Variants in ADGRB3 observed in about 807,000 individuals in gnomAD.
ADGRB3 encodes the protein brain-specific angiogenesis inhibitor 3.
A neutral mutation model predicts 193.4 loss-of-function variants in ADGRB3; 37 were observed. The observed-to-expected ratio is 0.19, with a 90% CI of 0.15 to 0.25. ADGRB3 has a LOEUF of 0.25. Ranked by LOEUF, ADGRB3 falls within the 10% of genes least tolerant of loss-of-function variation. The pLI, the probability that ADGRB3 is intolerant of heterozygous loss-of-function variation, is 1.00. For synonymous variants in ADGRB3, 690 were observed against 644.2 expected (o/e 1.07, Z -1.08); for missense variants, 1,637 against 1,852.9 (o/e 0.88, Z 2.14).
chr6:68,872,731 G>A (rs1263148420), intron 3 of ADGRB3, among the ~76,000 whole-genome samples: 5 of 152,140 alleles, frequency 3.3e-5, no homozygotes, highest in Middle Eastern at 6.8e-3. Flanking sequence ...CTTGTTTTAC[G>A]GTTTATGTGG....
intron 21 of ADGRB3, among the ~76,000 whole-genome samples, chr6:69,327,123 T>G (rs1345795840): frequency 6.7e-6 from 1 of 149,642 alleles, no homozygotes; most frequent in Non-Finnish European, 1.5e-5. Context: ...ATGATCTTCC[T>G]GAAAAGAAGG....
In ADGRB3 at chr6:69,339,009, C is replaced by T. The variant is rs138734026; in HGVS notation, c.3282C>T (p.Asn1094=). The T allele has an allele frequency of 7.4e-6, 12 of 1,613,654 alleles. No individual in the cohort carries two copies. Among genetic ancestry groups the T allele is most frequent in the African/African-American group, 2.7e-5 (2 of 74,986 alleles). The change falls in exon 25 of 32, where the codon AAC becomes AAT. Residue 1094 remains asparagine, a synonymous_variant. Coordinates refer to ENST00000370598, the MANE Select transcript of ADGRB3 (RefSeq NM_001704.3). The part of the protein sequence containing the change: ...TTALSATTAS[N]AMASLWSSCV... Reference sequence around the variant, plus strand: ...CTTTGTCAGCCACCACCGCCAGTAACGCCATGTTAGTCCCAATCATTTACA... The same window carrying T: ...CTTTGTCAGCCACCACCGCCAGTAATGCCATGTTAGTCCCAATCATTTACA...
chr6:68,806,446 A>G lies in ADGRB3; in HGVS notation c.758-124113A>G, dbSNP rs148321777. Among the ~76,000 whole-genome samples, 859 of 152,208 alleles carry G rather than the reference A, an allele frequency of 5.6e-3. 8 individuals carry two copies. The highest frequency in any genetic ancestry group is 8.0e-3 in the Non-Finnish European group (541 of 67,956). ...AAATTTACATAATACTCTGATTATT[A>G]TTCACTTATTTATTGAAAAACATTT... On this transcript the variant is annotated intron_variant, in intron 3 of 31. Transcript: ENST00000370598.
intron 3 of ADGRB3, among the ~76,000 whole-genome samples, chr6:68,720,277 A>C (rs1765554139): frequency 6.6e-6 from 1 of 151,776 alleles, no homozygotes; most frequent in African/African-American, 2.4e-5. Flanking sequence ...TGGCTTCTTT[A>C]GCATCAACTG....
At chr6:68,865,611 G>A (rs549368315) in intron 3 of ADGRB3, among the ~76,000 whole-genome samples, 2 of 152,196 alleles carry the variant, frequency 1.3e-5, no homozygotes, top group Admixed American at 6.5e-5. Context: ...GTAACTGCAG[G>A]GGTCCCTTTA....
intron 17 of ADGRB3, among the ~76,000 whole-genome samples, chr6:69,139,699 G>A (rs1010857874): frequency 2.0e-5 from 3 of 152,062 alleles, no homozygotes; most frequent in Admixed American, 6.6e-5. Context: ...TTGACAAATG[G>A]GGAGATAGGT....
At chr6:69,131,500 A>T (rs1774007925) in intron 17 of ADGRB3, among the ~76,000 whole-genome samples, 1 of 152,034 alleles carries the variant, frequency 6.6e-6, no homozygotes, top group Admixed American at 6.6e-5. Context: ...TTTTAATTGC[A>T]TCGAAAATGG....
At chr6:69,208,232 T>C (rs926754370) in intron 17 of ADGRB3, among the ~76,000 whole-genome samples, 2 of 152,202 alleles carry the variant, frequency 1.3e-5, no homozygotes, top group Non-Finnish European at 2.9e-5. Flanking sequence ...TTTATCCACT[T>C]GATTATCAAA....
intron 17 of ADGRB3, among the ~76,000 whole-genome samples, chr6:69,085,083 C>A (rs1162297898): frequency 1.1e-4 from 16 of 151,970 alleles, no homozygotes; most frequent in Non-Finnish European, 2.4e-4. Context: ...AAAAAAAATA[C>A]CCTCGGTGAA....
At chr6:69,340,965 A>G (rs560226042) in intron 26 of ADGRB3, among the ~76,000 whole-genome samples, 1 of 152,326 alleles carries the variant, frequency 6.6e-6, no homozygotes, top group East Asian at 1.9e-4. Context: ...CAATAGCTGC[A>G]GAGCATTCCA....
intron 3 of ADGRB3, among the ~76,000 whole-genome samples, chr6:68,824,571 C>T (rs1452161350): frequency 6.8e-6 from 1 of 147,230 alleles, no homozygotes; most frequent in African/African-American, 2.5e-5. Context: ...GCACAATATG[C>T]AATATATGTA....
intron 20 of ADGRB3, among the ~76,000 whole-genome samples, chr6:69,244,515 T>G (rs2127263395): frequency 6.6e-6 from 1 of 152,218 alleles, no homozygotes; most frequent in South Asian, 2.1e-4. Context: ...TCTAAATATC[T>G]ATGTGTTTTC....
rs5877179 is a variant in ADGRB3 at position 68,888,542 on chromosome 6, TACAC to T, written c.758-41987_758-41984del. On this transcript the variant is annotated intron_variant, in intron 3 of 31. Transcript: ENST00000370598. ...TTCAGTTCCTTTTTTGGGTAATAGATACACACACACACACACACACACACACACA... is the reference window on the plus strand; with the variant it reads ...TTCAGTTCCTTTTTTGGGTAATAGATACACACACACACACACACACACACA... Among the ~76,000 whole-genome samples, 1,162 of 146,158 alleles carry T rather than the reference TACAC, an allele frequency of 8.0e-3. 16 individuals are homozygous for T. The highest frequency in any genetic ancestry group is 0.027 in the African/African-American group (1,051 of 39,534).
rs994401864 is a variant in ADGRB3, at chr6:69,232,406, A to G, written c.2481-884A>G. On this transcript the variant is annotated intron_variant, in intron 17 of 31. Transcript: ENST00000370598. ...GTTCTGCTGGGGTGGGAAATAAACCATATGCTTTAGCATTTTAAATGGCTA... is the reference window on the plus strand; with the variant it reads ...GTTCTGCTGGGGTGGGAAATAAACCGTATGCTTTAGCATTTTAAATGGCTA... 2.9e-5 allele frequency: 42 copies of G among 1,449,910 alleles called. No homozygotes were observed. The Admixed American group carries it at 5.1e-4, about 17-fold the overall frequency. The allele number at this position is 1,449,910 out of a possible 1,614,324, so 89.8% of individuals were successfully genotyped here.
In ADGRB3 at chr6:69,307,881, A is replaced by G. The variant is rs554035036; in HGVS notation, c.2815-16991A>G. ...TCCACAGAGTCCCCATTCTCATATA[A>G]ATGGATGAGGTGGTTCGATTCAAGT... On this transcript the variant is annotated intron_variant, in intron 20 of 31. Coordinates refer to ENST00000370598, the MANE Select transcript of ADGRB3 (RefSeq NM_001704.3). Among the ~76,000 whole-genome samples, 9 of 151,540 alleles carry G rather than the reference A, an allele frequency of 5.9e-5. No homozygotes were observed. In the East Asian group the frequency reaches 1.6e-3, roughly 26 times the overall value.
At position 69,075,983 on chromosome 6, in the gene ADGRB3, CT is replaced by C. The variant is rs576605463; in HGVS notation, c.2437-3del. 3.1e-4 allele frequency: 468 copies of C among 1,531,858 alleles called. No homozygotes were observed. Among genetic ancestry groups the C allele is most frequent in the Admixed American group, 6.0e-4 (34 of 56,952 alleles). The allele number at this position is 1,531,858 out of a possible 1,614,324, so 94.9% of individuals were successfully genotyped here. ...TCAAGATATATGCATTCTTTCTCTG[CT>C]TTTTTTTTAGGGTACTTTGAATCCC... On this transcript the variant is annotated splice_polypyrimidine_tract_variant and intron_variant, in intron 16 of 31. Coordinates refer to ENST00000370598, the MANE Select transcript of ADGRB3 (RefSeq NM_001704.3).
intron 3 of ADGRB3, among the ~76,000 whole-genome samples, chr6:68,766,877 A>T (rs562412649): frequency 8.1e-4 from 123 of 152,182 alleles, no homozygotes; most frequent in Admixed American, 2.6e-3. Flanking sequence ...ATTAAATCAC[A>T]ATGAAATTTG....
At chr6:69,340,240 A>G (rs1768946806) in intron 26 of ADGRB3, among the ~76,000 whole-genome samples, 1 of 152,218 alleles carries the variant, frequency 6.6e-6, no homozygotes, top group African/African-American at 2.4e-5. Flanking sequence ...AGATCCATCC[A>G]GGACAGTGAG....
intron 8 of ADGRB3, among the ~76,000 whole-genome samples, chr6:68,961,861 G>C (rs1228434955): frequency 6.6e-6 from 1 of 152,032 alleles, no homozygotes; most frequent in African/African-American, 2.4e-5. Context: ...AGCACAAATA[G>C]TACTTTTTAA....
Sources: allele counts gnomAD v4.1 joint callset (sites outside exome capture counted in the v4.1 genomes callset), GRCh38; gene constraint gnomAD v4.1.1; transcripts MANE v1.5; gene names NCBI Gene and HGNC (gene_info 2026-07-23, HGNC 2026-07-21).